The following PDE10A variants were observed in gnomAD, a reference collection of about 807,000 sequenced individuals.
The protein encoded by PDE10A is cAMP and cAMP-inhibited cGMP 3',5'-cyclic phosphodiesterase 10A.
Under a neutral mutation model 97.7 loss-of-function variants are expected in PDE10A, and 39 were observed. That is an observed-to-expected ratio of 0.40 (90% CI 0.31 to 0.52). The LOEUF (loss-of-function observed/expected upper bound fraction) is 0.52, where lower values mean the gene tolerates loss of function less well. PDE10A is among the 20% of genes least tolerant of loss of function. The pLI is 0.56. For synonymous variants in PDE10A, 371 were observed against 376.8 expected, an observed-to-expected ratio of 0.98 and a Z score of 0.18; for missense variants, 731 against 1,047.8, an observed-to-expected ratio of 0.70 and a Z score of 4.17.
At chr6:165,962,495 T>C (rs1784390501) in intron 1 of PDE10A, among the ~76,000 whole-genome samples, 1 of 152,236 alleles carries the variant, frequency 6.6e-6, no homozygotes, top group Non-Finnish European at 1.5e-5. Flanking sequence ...GGAATGCACA[T>C]TCTGACAAAG....
chr6:165,771,652 G>GACA (rs1459179214), intron 1 of PDE10A, among the ~76,000 whole-genome samples: 2 of 19,776 alleles, frequency 1.0e-4, no homozygotes, highest in East Asian at 1.2e-3. Flanking sequence ...AGTTTAACAA[G>GACA]ATAAAAAAAA....
intron 1 of PDE10A, among the ~76,000 whole-genome samples, chr6:165,567,994 A>ATTTTTTTT (rs386409260): frequency 7.7e-6 from 1 of 130,646 alleles, no homozygotes. Flanking sequence ...GCAACAAGGC[A>ATTTTTTTT]TTTTTTTTTT....
intron 1 of PDE10A, among the ~76,000 whole-genome samples, chr6:165,820,140 T>C (rs923674302): frequency 5.3e-5 from 8 of 152,254 alleles, no homozygotes; most frequent in African/African-American, 1.9e-4. Context: ...AGATGCTGTG[T>C]GATTTGAATC....
At chr6:165,958,716 G>GGA (rs1784257842) in intron 1 of PDE10A, among the ~76,000 whole-genome samples, 1 of 58,768 alleles carries the variant, frequency 1.7e-5, no homozygotes, top group Non-Finnish European at 3.1e-5. Context: ...AAGAAAGAGA[G>GGA]AAGAAAGAAA....
intron 12 of PDE10A, among the ~76,000 whole-genome samples, chr6:165,414,742 G>T (rs1788182624): frequency 6.6e-6 from 1 of 152,186 alleles, no homozygotes; most frequent in South Asian, 2.1e-4. Flanking sequence ...AACTTTTCAA[G>T]AAACTGCAAA....
At chr6:165,623,602 T>C (rs1788250417) in intron 1 of PDE10A, among the ~76,000 whole-genome samples, 1 of 152,190 alleles carries the variant, frequency 6.6e-6, no homozygotes, top group Non-Finnish European at 1.5e-5. Flanking sequence ...ATTATTCCTA[T>C]ATTTTAAACT....
rs572973053 is a variant in PDE10A, at chr6:165,985,536, C to T, written c.-615+1993G>A. Among the ~76,000 whole-genome samples the T allele has an allele frequency of 4.6e-5, 7 of 152,322 alleles. No individual in the cohort carries two copies. The South Asian group carries it at 1.4e-3, about 32-fold the overall frequency. ...CCTCACCTCCAACTTCAGGAGGAGG[C>T]ACAGGGCCCTGCCTGTGCAGAGGAT... On this transcript the variant is annotated intron_variant, in intron 1 of 19. Coordinates refer to the PDE10A transcript ENST00000366882.
intron 15 of PDE10A, 93 bp from the exon 16 acceptor site, chr6:165,392,889 C>A: frequency 9.0e-7 from 1 of 1,111,198 alleles, no homozygotes; most frequent in Non-Finnish European, 1.3e-6. Context: ...ATGTCTGTAC[C>A]CTTATACATT....
intron 1 of PDE10A, among the ~76,000 whole-genome samples, chr6:165,821,226 C>T (rs1779560009): frequency 6.6e-6 from 1 of 152,192 alleles, no homozygotes; most frequent in African/African-American, 2.4e-5. Flanking sequence ...GGATTCAGAA[C>T]TCCGGCTGAT....
intron 1 of PDE10A, chr6:165,939,637 TA>T (rs1783445944): frequency 1.3e-5 from 2 of 152,218 alleles, no homozygotes; most frequent in African/African-American, 4.8e-5. Context: ...TCCTGTAAAA[TA>T]AACAGTGTCT....
intron 1 of PDE10A, among the ~76,000 whole-genome samples, chr6:165,739,709 T>A (rs539109990): frequency 1.3e-5 from 2 of 152,030 alleles, no homozygotes; most frequent in African/African-American, 4.8e-5. Flanking sequence ...GTGAAAATAA[T>A]TGCAAACCAT....
chr6:165,643,252 T>C (rs1210419043), intron 1 of PDE10A, among the ~76,000 whole-genome samples: 1 of 104,310 alleles, frequency 9.6e-6, no homozygotes, highest in African/African-American at 4.7e-5. Context: ...GGTGGATGGA[T>C]GGATGGATGG....
chr6:165,394,470 ATGGGCATT>A (rs1484490741), intron 15 of PDE10A, among the ~76,000 whole-genome samples: 2 of 152,058 alleles, frequency 1.3e-5, no homozygotes, highest in African/African-American at 4.8e-5. Context: ...TCTATCATTG[ATGGGCATT>A]TGGGTTGGTT....
chr6:165,381,228 C>A (rs1784904956), intron 17 of PDE10A, among the ~76,000 whole-genome samples: 1 of 152,162 alleles, frequency 6.6e-6, no homozygotes, highest in South Asian at 2.1e-4. Flanking sequence ...CTGGATATGT[C>A]ATCTGTAAGC....
rs1175982877 is a variant in PDE10A at position 165,330,330 on chromosome 6, G to T, written c.*2695C>A. 3.9e-5 allele frequency: 6 copies of T among 152,126 alleles called. No individual in the cohort carries two copies. The highest frequency in any genetic ancestry group is 2.9e-5 in the Non-Finnish European group (2 of 67,986). The allele number at this position is 152,126 out of a possible 1,614,324, so 9.4% of individuals were successfully genotyped here. On this transcript the variant is annotated 3_prime_UTR_variant, in exon 22 of 22. Coordinates refer to ENST00000539869, the MANE Select transcript of PDE10A (RefSeq NM_001385079.1). The stretch of plus-strand genomic sequence containing the variant: ...GTGTCACACTGTTCTTTTAAGAAAA[G>T]ATCTGGGAACAAGACAAGAAACATG...
At chr6:165,724,584 T>C (rs1792246973) in intron 1 of PDE10A, among the ~76,000 whole-genome samples, 1 of 152,160 alleles carries the variant, frequency 6.6e-6, no homozygotes, top group South Asian at 2.1e-4. Context: ...ATATGCCAAG[T>C]GTAATTTTGA....
intron 3 of PDE10A, among the ~76,000 whole-genome samples, chr6:165,465,451 G>T (rs1778584399): frequency 6.6e-6 from 1 of 152,206 alleles, no homozygotes; most frequent in African/African-American, 2.4e-5. Flanking sequence ...GTGTAACTGA[G>T]CACAGAAGAA....
intron 1 of PDE10A, among the ~76,000 whole-genome samples, chr6:165,978,818 A>G (rs1784921689): frequency 1.3e-5 from 2 of 152,204 alleles, no homozygotes; most frequent in Admixed American, 1.3e-4. Flanking sequence ...GTGGTCATGT[A>G]CAGGAATATC....
chr6:165,848,259 G>A (rs9459515), intron 1 of PDE10A, among the ~76,000 whole-genome samples: 1 of 151,976 alleles, frequency 6.6e-6, no homozygotes. Flanking sequence ...CCAGGATGGC[G>A]AGCAACATGG....
Sources: gnomAD v4.1 joint callset for allele counts (sites outside exome capture counted in the v4.1 genomes callset) on GRCh38, gnomAD v4.1.1 for gene constraint, MANE v1.5 for transcripts, NCBI Gene and HGNC (gene_info 2026-07-23, HGNC 2026-07-21) for gene names.